Variants in KCTD8 observed in about 807,000 individuals in gnomAD.
KCTD8 encodes potassium channel tetramerization domain containing 8, also known as BTB/POZ domain-containing protein KCTD8.
In KCTD8, 27 loss-of-function variants were observed where a neutral mutation model predicts 31.5. That is an observed-to-expected ratio of 0.86 (90% CI 0.63 to 1.18). KCTD8 has a LOEUF of 1.18. Ranked by LOEUF, KCTD8 falls within the 50% of genes most tolerant of loss-of-function variation. KCTD8 has a pLI of 0.00. For missense variants in KCTD8, 658 were observed against 647.7 expected (o/e 1.02, Z -0.17); for synonymous variants, 290 against 280.0 (o/e 1.04, Z -0.36).
intron 1 of KCTD8, among the ~76,000 whole-genome samples, chr4:44,425,385 A>G (rs1477234095): frequency 2.0e-5 from 3 of 152,098 alleles, no homozygotes; most frequent in Admixed American, 6.6e-5. Context: ...TAAATATCAT[A>G]TAACAGTGCT....
chr4:44,301,404 C>T (rs1717617566), intron 1 of KCTD8, among the ~76,000 whole-genome samples: 1 of 152,254 alleles, frequency 6.6e-6, no homozygotes, highest in Non-Finnish European at 1.5e-5. Flanking sequence ...TTAATGATTG[C>T]CATTCTAACT....
intron 1 of KCTD8, among the ~76,000 whole-genome samples, chr4:44,279,248 G>A (rs1320698391): frequency 6.6e-6 from 1 of 152,030 alleles, no homozygotes; most frequent in African/African-American, 2.4e-5. Context: ...GCGCAGTGTG[G>A]CTCAACAAGG....
At chr4:44,259,801 T>C (rs534013123) in intron 1 of KCTD8, among the ~76,000 whole-genome samples, 41 of 152,066 alleles carry the variant, frequency 2.7e-4, no homozygotes, top group Non-Finnish European at 5.0e-4. Context: ...GCAAAAGGTC[T>C]AAAGGCAAAT....
At chr4:44,447,493 C>A in intron 1 of KCTD8, 70 bp downstream of exon 1, 1 of 1,445,484 alleles carries the variant, frequency 6.9e-7, no homozygotes, top group South Asian at 1.5e-5. Flanking sequence ...GGGCCTCCAG[C>A]GGGGCTCAAA....
At chr4:44,344,161 T>C (rs940536607) in intron 1 of KCTD8, among the ~76,000 whole-genome samples, 5 of 151,790 alleles carry the variant, frequency 3.3e-5, no homozygotes, top group Non-Finnish European at 5.9e-5. Context: ...CTAGCCCACA[T>C]TACAGGTTTT....
At chr4:44,329,553 T>G (rs1718539667) in intron 1 of KCTD8, among the ~76,000 whole-genome samples, 2 of 152,020 alleles carry the variant, frequency 1.3e-5, no homozygotes, top group South Asian at 4.1e-4. Flanking sequence ...ATATAAACTG[T>G]AAAGCTCTAT....
At chr4:44,425,536 T>G (rs577753366) in intron 1 of KCTD8, among the ~76,000 whole-genome samples, 1 of 152,174 alleles carries the variant, frequency 6.6e-6, no homozygotes, top group Non-Finnish European at 1.5e-5. Flanking sequence ...TGTGTCTTTT[T>G]GCCACTTAAT....
chr4:44,386,070 G>A (rs1385574343), intron 1 of KCTD8, among the ~76,000 whole-genome samples: 1 of 151,548 alleles, frequency 6.6e-6, no homozygotes. Context: ...AGAATGTGGA[G>A]AAATTAGAAC....
At chr4:44,306,008 T>G (rs2109395808) in intron 1 of KCTD8, among the ~76,000 whole-genome samples, 1 of 151,952 alleles carries the variant, frequency 6.6e-6, no homozygotes, top group South Asian at 2.1e-4. Context: ...ATACTTAAAG[T>G]TCAATAATAA....
chr4:44,284,890 A>G (rs1251199877), intron 1 of KCTD8, among the ~76,000 whole-genome samples: 1 of 152,254 alleles, frequency 6.6e-6, no homozygotes, highest in Non-Finnish European at 1.5e-5. Flanking sequence ...ATCACTGGTC[A>G]TTAGAGAAAT....
At chr4:44,226,520 T>A (rs895967713) in intron 1 of KCTD8, among the ~76,000 whole-genome samples, 1 of 152,212 alleles carries the variant, frequency 6.6e-6, no homozygotes, top group Admixed American at 6.5e-5. Context: ...TGTGTCTTCA[T>A]AGCAGAATAA....
At chr4:44,383,852 A>G (rs1032274804) in intron 1 of KCTD8, among the ~76,000 whole-genome samples, 1 of 152,102 alleles carries the variant, frequency 6.6e-6, no homozygotes, top group African/African-American at 2.4e-5. Flanking sequence ...ACCTCTGCAT[A>G]GCAAAGGAAA....
chr4:44,257,002 G>A (rs1171935435), intron 1 of KCTD8, among the ~76,000 whole-genome samples: 2 of 151,808 alleles, frequency 1.3e-5, no homozygotes, highest in Non-Finnish European at 1.5e-5. Context: ...AAAGAGGTTC[G>A]ATGTAAAAAT....
intron 1 of KCTD8, among the ~76,000 whole-genome samples, chr4:44,400,536 C>A (rs898886067): frequency 1.3e-5 from 2 of 151,898 alleles, no homozygotes; most frequent in African/African-American, 4.8e-5. Flanking sequence ...CGAGACCAGC[C>A]TGGCCAACAT....
chr4:44,430,958 T>C (rs1019031878), intron 1 of KCTD8, among the ~76,000 whole-genome samples: 4 of 151,598 alleles, frequency 2.6e-5, no homozygotes, highest in African/African-American at 9.6e-5. Flanking sequence ...TACGATTAAT[T>C]ACACAGAATA....
Position 44,353,148 on chromosome 4 carries a change from C to A in KCTD8, c.961+94415G>T, listed in dbSNP as rs573581313. Among the ~76,000 whole-genome samples the A allele has an allele frequency of 2.6e-5, 4 of 152,164 alleles. No individual in the cohort carries two copies. The South Asian group carries it at 6.2e-4, about 24-fold the overall frequency. On this transcript the variant is annotated intron_variant, in intron 1 of 1. Transcript: ENST00000360029. ...TTCTGCCCTTCTGGCCACAGACAAC[C>A]ACTAACCTGCTAGAACTAGGTTTTG...
At chr4:44,331,255 A>G (rs1196938650) in intron 1 of KCTD8, among the ~76,000 whole-genome samples, 2 of 151,916 alleles carry the variant, frequency 1.3e-5, no homozygotes, top group Admixed American at 6.6e-5. Flanking sequence ...TATATTCTGC[A>G]TCATCGATCC....
At chr4:44,268,441 T>C (rs970508347) in intron 1 of KCTD8, among the ~76,000 whole-genome samples, 5 of 152,152 alleles carry the variant, frequency 3.3e-5, no homozygotes, top group African/African-American at 9.7e-5. Flanking sequence ...AATATCATAC[T>C]GAATGGGCAA....
intron 1 of KCTD8, among the ~76,000 whole-genome samples, chr4:44,380,476 T>C (rs556109375): frequency 1.3e-5 from 2 of 151,722 alleles, no homozygotes; most frequent in Admixed American, 6.6e-5. Context: ...ATTTTAATTA[T>C]ATCTAACAAA....
Sources: gnomAD v4.1 joint callset for allele counts (sites outside exome capture counted in the v4.1 genomes callset) on GRCh38, gnomAD v4.1.1 for gene constraint, MANE v1.5 for transcripts, NCBI Gene and HGNC (gene_info 2026-07-23, HGNC 2026-07-21) for gene names.